Variants in MELK observed in about 807,000 individuals in gnomAD.
MELK encodes maternal embryonic leucine zipper kinase, also known as pEg3 kinase.
In MELK, 81 loss-of-function variants were observed where a neutral mutation model predicts 85.0. That is an observed-to-expected ratio of 0.95 (90% CI 0.80 to 1.15). MELK has a LOEUF of 1.15. Among genes scored for constraint, MELK ranks in the 50% most tolerant of loss-of-function variants. The pLI, the probability that MELK is intolerant of heterozygous loss-of-function variation, is 0.00. For missense variants in MELK, 754 were observed against 777.5 expected, an observed-to-expected ratio of 0.97 and a Z score of 0.36; for synonymous variants, 252 against 265.0, an observed-to-expected ratio of 0.95 and a Z score of 0.48.
intron 8 of MELK, among the ~76,000 whole-genome samples, chr9:36,625,776 C>A (rs1334511429): frequency 6.6e-6 from 1 of 151,848 alleles, no homozygotes; most frequent in Non-Finnish European, 1.5e-5. Flanking sequence ...CAAAAATTAG[C>A]CAGTCATGGT....
At chr9:36,599,303 A>AAAG in intron 6 of MELK, 91 bp from the exon 7 acceptor site, 1 of 287,622 alleles carries the variant, frequency 3.5e-6, no homozygotes, top group African/African-American at 3.5e-5. Flanking sequence ...TCCGTCTCAA[A>AAAG]AAAAAAAAAA....
chr9:36,598,186 G>GTT (rs76258907), intron 6 of MELK, among the ~76,000 whole-genome samples: 25 of 135,846 alleles, frequency 1.8e-4, no homozygotes, highest in African/African-American at 3.8e-4. Context: ...TAGAAGGCAG[G>GTT]TTTTTTTTTT....
At chr9:36,648,450 C>T (rs2137120261) in intron 11 of MELK, among the ~76,000 whole-genome samples, 1 of 152,326 alleles carries the variant, frequency 6.6e-6, no homozygotes, top group East Asian at 1.9e-4. Context: ...ATTCCTTTCT[C>T]TACCTGTGCT....
chr9:36,631,514 C>T lies in MELK; in HGVS notation c.735+1147C>T, dbSNP rs559777782. Among the ~76,000 whole-genome samples, 17 of 152,168 alleles carry T rather than the reference C, an allele frequency of 1.1e-4. No individual in the cohort carries two copies. The South Asian group carries it at 3.3e-3, about 30-fold the overall frequency. On this transcript the variant is annotated intron_variant, in intron 9 of 17. Coordinates refer to ENST00000298048, the MANE Select transcript of MELK (RefSeq NM_014791.4). ...CTTCTGACCTCAGGTGATCCACCCG[C>T]CTTGGCCTCCCAAAGTACTGGGATT...
intron 9 of MELK, 36 bp downstream of exon 9, chr9:36,630,403 A>G: frequency 6.6e-6 from 10 of 1,525,470 alleles, no homozygotes; most frequent in Non-Finnish European, 9.0e-6. Context: ...AGTCTATTGT[A>G]ATTGTTTGGT....
intron 11 of MELK, among the ~76,000 whole-genome samples, chr9:36,650,179 G>A (rs1399585236): frequency 1.3e-5 from 2 of 151,766 alleles, no homozygotes; most frequent in South Asian, 2.1e-4. Flanking sequence ...TCCTGACCTC[G>A]TGATCCACCC....
intron 4 of MELK, among the ~76,000 whole-genome samples, chr9:36,591,365 G>A (rs1481874137): frequency 6.6e-6 from 1 of 152,102 alleles, no homozygotes; most frequent in Non-Finnish European, 1.5e-5. Context: ...TTGAGGCCAG[G>A]AGTTCAAGAC....
chr9:36,674,096 A>G (rs574603073), intron 16 of MELK, among the ~76,000 whole-genome samples: 2 of 152,184 alleles, frequency 1.3e-5, no homozygotes, highest in Non-Finnish European at 2.9e-5. Context: ...TCAAACCTGA[A>G]AGATATAGAA....
intron 13 of MELK, among the ~76,000 whole-genome samples, chr9:36,658,576 T>C (rs1217696188): frequency 1.3e-5 from 2 of 152,228 alleles, no homozygotes; most frequent in African/African-American, 4.8e-5. Flanking sequence ...CTTTTGTTCT[T>C]TGAACATATT....
Position 36,677,556 on chromosome 9 carries a change from C to T in MELK, c.*219C>T. ...TCATTATGTTACTGTCTTTTTTAATCATGTGGTTTTGTATATTAATAATTG... is the reference window on the plus strand; with the variant it reads ...TCATTATGTTACTGTCTTTTTTAATTATGTGGTTTTGTATATTAATAATTG... On this transcript the variant is annotated 3_prime_UTR_variant, in exon 18 of 18. Transcript: ENST00000298048. The T allele has an allele frequency of 2.6e-6, 1 of 382,236 alleles. No individual in the cohort carries two copies. Among genetic ancestry groups the T allele is most frequent in the East Asian group, 4.3e-5 (1 of 23,516 alleles). The allele number at this position is 382,236 out of a possible 1,614,324, so 23.7% of individuals were successfully genotyped here. A position where few individuals can be genotyped will look rare whatever the true frequency, so the allele number is the denominator to read the frequency against.
At chr9:36,594,004 C>A (rs1402535387) in intron 4 of MELK, among the ~76,000 whole-genome samples, 1 of 152,100 alleles carries the variant, frequency 6.6e-6, no homozygotes, top group East Asian at 1.9e-4. Flanking sequence ...GTGAGTACAT[C>A]TATAAGAGCA....
chr9:36,583,626 G>A lies in MELK; in HGVS notation c.59-1G>A. 6.2e-7 allele frequency: 1 copy of A among 1,601,196 alleles called. No individual in the cohort carries two copies. The highest frequency in any genetic ancestry group is 8.5e-7 in the Non-Finnish European group (1 of 1,170,588). ...CTTTCATAATACATTTTCCTACTTA[G>A]GTGGCTTTGCAAAGGTCAAACTTGC... On this transcript the variant is annotated splice_acceptor_variant, in intron 2 of 17. Transcript: ENST00000298048. LOFTEE classifies it high-confidence loss of function.
intron 8 of MELK, among the ~76,000 whole-genome samples, chr9:36,614,977 C>T (rs1222720180): frequency 2.3e-4 from 34 of 147,508 alleles, no homozygotes; most frequent in African/African-American, 7.9e-4. Context: ...GGGGTGGTGG[C>T]CGGGCAGAGG....
At chr9:36,625,764 T>C (rs1352998130) in intron 8 of MELK, among the ~76,000 whole-genome samples, 1 of 151,684 alleles carries the variant, frequency 6.6e-6, no homozygotes, top group Non-Finnish European at 1.5e-5. Flanking sequence ...CTACTAAAAA[T>C]GCAAAAATTA....
intron 13 of MELK, among the ~76,000 whole-genome samples, chr9:36,663,722 G>A (rs1321268533): frequency 6.6e-6 from 1 of 152,026 alleles, no homozygotes; most frequent in Non-Finnish European, 1.5e-5. Context: ...CTTTTTTATG[G>A]TTGAATAGTA....
chr9:36,618,125 T>TA (rs557742638), intron 8 of MELK, among the ~76,000 whole-genome samples: 7,064 of 143,204 alleles, frequency 0.049, 209 homozygotes, highest in South Asian at 0.081. Context: ...TCCATGTCTT[T>TA]AAAAAAAAAA....
chr9:36,646,881 G>A (rs1180951849), intron 11 of MELK, among the ~76,000 whole-genome samples: 1 of 152,198 alleles, frequency 6.6e-6, no homozygotes, highest in Admixed American at 6.5e-5. Context: ...ATTTAAGAAT[G>A]TTTTTAGTTT....
At chr9:36,649,755 C>T (rs1049650085) in intron 11 of MELK, among the ~76,000 whole-genome samples, 5 of 151,878 alleles carry the variant, frequency 3.3e-5, no homozygotes, top group Middle Eastern at 6.8e-3. Flanking sequence ...GGCGATAGAG[C>T]GAGACTCTAT....
At chr9:36,628,367 A>G (rs774961056) in intron 8 of MELK, among the ~76,000 whole-genome samples, 10 of 152,154 alleles carry the variant, frequency 6.6e-5, no homozygotes, top group Non-Finnish European at 1.3e-4. Context: ...AGTCAGTGAC[A>G]GTTGCCTGTG....
Sources: gnomAD v4.1 joint callset for allele counts (sites outside exome capture counted in the v4.1 genomes callset) on GRCh38, gnomAD v4.1.1 for gene constraint, MANE v1.5 for transcripts, NCBI Gene and HGNC (gene_info 2026-07-23, HGNC 2026-07-21) for gene names.